The following AHCY variants were observed in gnomAD, a reference collection of about 807,000 sequenced individuals.
AHCY encodes the protein S-adenosyl-L-homocysteine hydrolase.
AHCY carries 24 observed loss-of-function variants against 45.4 expected under a neutral mutation model. That is an observed-to-expected ratio of 0.53 (90% CI 0.38 to 0.74). The LOEUF (loss-of-function observed/expected upper bound fraction) is 0.74. Ranked by LOEUF, AHCY falls within the 30% of genes least tolerant of loss-of-function variation. The pLI, the probability that AHCY is intolerant of heterozygous loss-of-function variation, is 0.00. For missense variants in AHCY, 449 were observed against 594.1 expected, an observed-to-expected ratio of 0.76 and a Z score of 2.54; for synonymous variants, 245 against 235.1, an observed-to-expected ratio of 1.04 and a Z score of -0.39.
chr20:34,241,380 G>A, the AHCY span: 1 of 893,692 alleles, frequency 1.1e-6, no homozygotes. Flanking sequence ...AGTATGATTG[G>A]TTGTTTTCTT....
downstream of AHCY, among the ~76,000 whole-genome samples, chr20:34,276,755 G>A (rs1369120411): frequency 6.6e-6 from 1 of 151,994 alleles, no homozygotes. Context: ...CTAAAGTCCC[G>A]GGATTGAGTC....
the AHCY span, among the ~76,000 whole-genome samples, chr20:34,232,604 G>A: frequency 6.6e-6 from 1 of 152,208 alleles, no homozygotes; most frequent in Non-Finnish European, 1.5e-5. Context: ...GAGACATCCA[G>A]TATATAGTTT....
At chr20:34,309,126 A>G (rs545744711) in intron 1 of AHCY, among the ~76,000 whole-genome samples, 2 of 150,530 alleles carry the variant, frequency 1.3e-5, no homozygotes, top group East Asian at 3.9e-4. Flanking sequence ...CACCCGGCTA[A>G]TTTTTGTATT....
At chr20:34,254,654 T>A in the AHCY span, among the ~76,000 whole-genome samples, 1 of 152,204 alleles carries the variant, frequency 6.6e-6, no homozygotes, top group Non-Finnish European at 1.5e-5. Context: ...AGCATTAATA[T>A]TTTCATTATA....
intron 1 of AHCY, among the ~76,000 whole-genome samples, chr20:34,301,325 C>T (rs1302667407): frequency 2.0e-5 from 3 of 152,108 alleles, no homozygotes; most frequent in Non-Finnish European, 4.4e-5. Flanking sequence ...AAAAATAACT[C>T]CTTCAGTGCC....
chr20:34,260,371 T>C, the AHCY span: 1 of 1,612,930 alleles, frequency 6.2e-7, no homozygotes, highest in South Asian at 1.1e-5. Flanking sequence ...TCAGGCCTCC[T>C]GGGATGGATG....
At chr20:34,303,361 C>A (rs550222374), upstream of AHCY, 2 of 1,520,548 alleles carry the variant, frequency 1.3e-6, no homozygotes, top group African/African-American at 2.8e-5. Flanking sequence ...CAGGGATATG[C>A]GCGTGGCGCC....
intron 8 of AHCY, among the ~76,000 whole-genome samples, chr20:34,288,124 G>A (rs2036247395): frequency 6.6e-6 from 1 of 152,138 alleles, no homozygotes; most frequent in Admixed American, 6.5e-5. Flanking sequence ...CTGCCTAGCC[G>A]GGAACTGACA....
At chr20:34,265,913 G>T in the AHCY span, among the ~76,000 whole-genome samples, 17,192 of 149,754 alleles carry the variant, frequency 0.11, 3,314 homozygotes, top group African/African-American at 0.39. Context: ...TCACACCACT[G>T]CACCCTAGCC....
the AHCY span, among the ~76,000 whole-genome samples, chr20:34,243,401 CGTGTATGTA>C: frequency 1.3e-5 from 2 of 152,098 alleles, no homozygotes; most frequent in African/African-American, 4.8e-5. Context: ...GAAATCGGTA[CGTGTATGTA>C]GATACAGCCC....
upstream of AHCY, chr20:34,303,476 C>T (rs555029590): frequency 4.0e-6 from 3 of 749,842 alleles, no homozygotes; most frequent in South Asian, 3.5e-5. Flanking sequence ...TGAAAAGAAG[C>T]CTCAGAATTT....
the AHCY span, among the ~76,000 whole-genome samples, chr20:34,248,741 A>G: frequency 2.0e-4 from 31 of 152,076 alleles, 1 homozygote; most frequent in Non-Finnish European, 2.9e-5. Context: ...TCAAGGCTGC[A>G]GTGAGCTATG....
the AHCY span, among the ~76,000 whole-genome samples, chr20:34,266,276 C>T: frequency 2.0e-5 from 3 of 151,802 alleles, no homozygotes; most frequent in East Asian, 3.9e-4. Context: ...GGCGTGAACC[C>T]GGGAGGCAGA....
the AHCY span, among the ~76,000 whole-genome samples, chr20:34,234,391 T>C: frequency 1.4e-3 from 208 of 152,340 alleles, 1 homozygote; most frequent in African/African-American, 4.8e-3. Context: ...ACCATTGTGC[T>C]AATTGACCCT....
intron 2 of AHCY, chr20:34,295,174 G>C: frequency 1.5e-6 from 1 of 661,320 alleles, no homozygotes; most frequent in Non-Finnish European, 2.7e-6. Flanking sequence ...CTTGAGGGTA[G>C]CCAACAGTGA....
At chr20:34,305,076 G>A (rs2036879972), upstream of AHCY, among the ~76,000 whole-genome samples, 2 of 150,820 alleles carry the variant, frequency 1.3e-5, no homozygotes, top group Admixed American at 6.6e-5. Context: ...AGCACATTGG[G>A]AGGCCGAGGC....
At chr20:34,247,300 CTT>C in the AHCY span, among the ~76,000 whole-genome samples, 10 of 120,608 alleles carry the variant, frequency 8.3e-5, no homozygotes, top group Admixed American at 5.1e-4. Flanking sequence ...TTATATGATG[CTT>C]TTTTTTTTTT....
chr20:34,238,148 G>A, the AHCY span, among the ~76,000 whole-genome samples: 1 of 145,460 alleles, frequency 6.9e-6, no homozygotes, highest in Non-Finnish European at 1.5e-5. Context: ...CATCTTACTT[G>A]GAGTTCATTG....
upstream of AHCY, chr20:34,311,820 C>G (rs1160754610): frequency 1.3e-5 from 2 of 152,534 alleles, no homozygotes; most frequent in African/African-American, 2.4e-5. Context: ...GGGCCCACCT[C>G]GAAGTCACCG....
Sources: gnomAD v4.1 joint callset for allele counts (sites outside exome capture counted in the v4.1 genomes callset) on GRCh38, gnomAD v4.1.1 for gene constraint, MANE v1.5 for transcripts, NCBI Gene and HGNC (gene_info 2026-07-23, HGNC 2026-07-21) for gene names.